ZNF395: variants seen among roughly 807,000 people sequenced by gnomAD.
The protein encoded by ZNF395 is zinc finger protein 395.
Under a neutral mutation model 57.7 loss-of-function variants are expected in ZNF395, and 20 were observed. That is an observed-to-expected ratio of 0.35 (90% CI 0.24 to 0.50). The LOEUF (loss-of-function observed/expected upper bound fraction) is 0.50. Among genes scored for constraint, ZNF395 ranks in the 20% least tolerant of loss-of-function variants. The probability of loss-of-function intolerance (pLI) is 0.97; values close to 1 mark genes in which losing one functional copy is unlikely to be tolerated. For missense variants in ZNF395, 606 were observed against 671.2 expected (o/e 0.90, Z 1.07); for synonymous variants, 295 against 275.9 (o/e 1.07, Z -0.69).
intron 1 of ZNF395, among the ~76,000 whole-genome samples, 194 bp from the exon 2 acceptor site, chr8:28,361,376 T>C (rs2294109): frequency 0.025 from 3,835 of 152,362 alleles, 114 homozygotes; most frequent in East Asian, 0.13. Flanking sequence ...CCACTCTTCC[T>C]ATGCAGCAGG....
intron 1 of ZNF395, among the ~76,000 whole-genome samples, chr8:28,380,339 G>C (rs1802094076): frequency 6.6e-6 from 1 of 152,030 alleles, no homozygotes; most frequent in Non-Finnish European, 1.5e-5. Flanking sequence ...ATTTTTTTCT[G>C]TTTTCTTTTT....
At chr8:28,382,004 C>T (rs1056032142) in intron 1 of ZNF395, among the ~76,000 whole-genome samples, 4 of 152,160 alleles carry the variant, frequency 2.6e-5, no homozygotes, top group African/African-American at 4.8e-5. Context: ...CACTCCTACC[C>T]GGAATCCTCA....
intron 1 of ZNF395, chr8:28,385,093 C>T (rs1802155635): frequency 6.6e-6 from 1 of 152,234 alleles, no homozygotes; most frequent in Non-Finnish European, 1.5e-5. Context: ...GAAGCAAAAC[C>T]CCCAGGTGTA....
At chr8:28,374,366 GA>G (rs535619623) in intron 1 of ZNF395, among the ~76,000 whole-genome samples, 96 of 152,304 alleles carry the variant, frequency 6.3e-4, no homozygotes, top group African/African-American at 2.2e-3. Context: ...CTGGGATTAG[GA>G]ACAGTCATCA....
intron 1 of ZNF395, among the ~76,000 whole-genome samples, chr8:28,367,203 T>G (rs889742815): frequency 2.6e-5 from 4 of 152,100 alleles, no homozygotes; most frequent in African/African-American, 9.7e-5. Context: ...ACCAGTAAAA[T>G]TAAAATGATA....
chr8:28,379,702 A>C (rs972833423), intron 1 of ZNF395, among the ~76,000 whole-genome samples: 1 of 152,128 alleles, frequency 6.6e-6, no homozygotes, highest in Non-Finnish European at 1.5e-5. Context: ...TGACACAGCG[A>C]GCAGGCACTC....
intron 1 of ZNF395, among the ~76,000 whole-genome samples, chr8:28,382,573 C>T (rs905592279): frequency 6.6e-6 from 1 of 152,156 alleles, no homozygotes; most frequent in Non-Finnish European, 1.5e-5. Flanking sequence ...TTTTTCCAAG[C>T]CCCACCAGCA....
Position 28,352,453 on chromosome 8 carries a change from G to T in ZNF395, c.920+120C>A. The T allele has an allele frequency of 1.3e-6, 1 of 760,614 alleles. No individual in the cohort carries two copies. The highest frequency in any genetic ancestry group is 2.2e-6 in the Non-Finnish European group (1 of 456,378). 47.1% of individuals were successfully genotyped at this position (760,614 alleles called of 1,614,324 possible). A position where few individuals can be genotyped will look rare whatever the true frequency, so the allele number is the denominator to read the frequency against. On this transcript the variant is annotated intron_variant, in intron 6 of 9. Coordinates refer to ENST00000344423, the MANE Select transcript of ZNF395 (RefSeq NM_018660.3). The surrounding 1 kb of genome is among the most constrained non-coding windows in gnomAD (Gnocchi z 4.0). ...TCAGGGGGCCAGGAAGAGACACCAG[G>T]GGGTGTTCCCAGCAAGCCACGTTCC...
At chr8:28,383,935 C>G (rs2130003608) in intron 1 of ZNF395, among the ~76,000 whole-genome samples, 1 of 152,352 alleles carries the variant, frequency 6.6e-6, no homozygotes, top group East Asian at 1.9e-4. Flanking sequence ...AAGTTACCAA[C>G]TACAGCAGCT....
rs949257119 is a variant in ZNF395, at chr8:28,352,372, A to G, written c.920+201T>C. Reference sequence around the variant, plus strand: ...AATGAGGCAAGAAGACACATCCCCAAGATGGACAGAGCTCCCTTCCCATCA... The same window carrying G: ...AATGAGGCAAGAAGACACATCCCCAGGATGGACAGAGCTCCCTTCCCATCA... On this transcript the variant is annotated intron_variant, in intron 6 of 9. Coordinates refer to ENST00000344423, the MANE Select transcript of ZNF395 (RefSeq NM_018660.3). The surrounding 1 kb of genome is among the most constrained non-coding windows in gnomAD (Gnocchi z 4.0). Among the ~76,000 whole-genome samples, 4 of 152,190 alleles carry G rather than the reference A, an allele frequency of 2.6e-5. No individual in the cohort carries two copies. Among genetic ancestry groups the G allele is most frequent in the Non-Finnish European group, 4.4e-5 (3 of 68,026 alleles).
chr8:28,347,957 A>G lies in ZNF395; in HGVS notation c.*762T>C, dbSNP rs915301553. 4 of 152,236 alleles carry G rather than the reference A, an allele frequency of 2.6e-5. No individual in the cohort carries two copies. The highest frequency in any genetic ancestry group is 2.0e-4 in the Admixed American group (3 of 15,278). 9.4% of individuals were successfully genotyped at this position (152,236 alleles called of 1,614,324 possible). A position where few individuals can be genotyped will look rare whatever the true frequency, so the allele number is the denominator to read the frequency against. On this transcript the variant is annotated 3_prime_UTR_variant, in exon 10 of 10. Coordinates refer to ENST00000344423, the MANE Select transcript of ZNF395 (RefSeq NM_018660.3). ...GGAAAGAGGAGAGAATGATCAAGGT[A>G]GTGTTTAACTGCCACATTCCAAAAA...
chr8:28,359,738 C>T lies in ZNF395; in HGVS notation c.327G>A (p.Leu109=), dbSNP rs140777249. The change falls in exon 3 of 10, where the codon CTG becomes CTA. Residue 109 remains leucine, a synonymous_variant. Coordinates refer to ENST00000344423, the MANE Select transcript of ZNF395 (RefSeq NM_018660.3). The surrounding 1 kb of genome is among the most constrained non-coding windows in gnomAD (Gnocchi z 4.7). ...TGCAGCAGACCTGCAGCTTCTGCTCCAGCAGCCAGACGGTCACCTGACCCT... is the reference window on the plus strand; with the variant it reads ...TGCAGCAGACCTGCAGCTTCTGCTCTAGCAGCCAGACGGTCACCTGACCCT... ...WMEGQVTVWL[L]EQKLQVCCRV... is the part of the protein sequence containing the mutation. 37 of 1,614,150 alleles carry T rather than the reference C, an allele frequency of 2.3e-5. No homozygotes were observed. Among genetic ancestry groups the T allele is most frequent in the Non-Finnish European group, 3.1e-5 (36 of 1,180,042 alleles).
intron 1 of ZNF395, among the ~76,000 whole-genome samples, chr8:28,385,626 C>A (rs1802167674): frequency 6.7e-6 from 1 of 149,372 alleles, no homozygotes; most frequent in Non-Finnish European, 1.5e-5. Context: ...CCGGCAGAAA[C>A]GCGCGGGGCG....
chr8:28,349,204 TGAA>T lies in ZNF395; in HGVS notation c.1348_1350del (p.Phe450del). 1 of 1,556,104 alleles carries T rather than the reference TGAA, an allele frequency of 6.4e-7. No individual in the cohort carries two copies. The highest frequency in any genetic ancestry group is 8.7e-7 in the Non-Finnish European group (1 of 1,151,668). On this transcript the variant is annotated inframe_deletion, in exon 9 of 10. Coordinates refer to ENST00000344423, the MANE Select transcript of ZNF395 (RefSeq NM_018660.3). The stretch of plus-strand genomic sequence containing the variant: ...GCAGGTGCTGGCTGCTGGGGCTCGC[TGAA>T]GCTTAGCGACCGGCTCCGGACCTGG...
Position 28,351,797 on chromosome 8 carries a change from C to T in ZNF395, c.931G>A (p.Asp311Asn), listed in dbSNP as rs150160656. 1.0e-3 allele frequency: 1,610 copies of T among 1,550,470 alleles called. 2 individuals carry two copies. Among genetic ancestry groups the T allele is most frequent in the Non-Finnish European group, 1.3e-3 (1,512 of 1,150,340 alleles). The change falls in exon 7 of 10, where the codon GAC becomes AAC. Residue 311 changes from aspartate to asparagine, a missense_variant. Asp to Asn is a conservative substitution (Grantham distance 23). This residue lies in a region of ZNF395 where 261 missense variants were observed against 240.3 expected (regional missense o/e 1.09). Transcript: ENST00000344423. The stretch of plus-strand genomic sequence containing the variant: ...TCCTCCCGCTTGAACTGATCAGAGT[C>T]CACTGTGTCCCTGTGTGGGAGGGAG... The part of the protein sequence containing the change: ...VKALHLGDTV[D>N]SDQFKREEDF...
At position 28,360,999 on chromosome 8, in the gene ZNF395, A is replaced by T; in HGVS notation, c.126T>A (p.Ala42=). The T allele has an allele frequency of 6.2e-7, 1 of 1,611,610 alleles. No individual in the cohort carries two copies. Among genetic ancestry groups the T allele is most frequent in the Non-Finnish European group, 8.5e-7 (1 of 1,178,686 alleles). ...PPSEPLLEGA[A]PQPFTTSDDT... is the part of the protein sequence containing the mutation. ...CATCAGAGGTGGTGAAAGGCTGGGG[A>T]GCGGCCCCTTCTAGCAGTGGCTCCG... Residue 42 remains alanine, a synonymous_variant, in exon 2 of 10, where the codon GCT becomes GCA. Coordinates refer to ENST00000344423, the MANE Select transcript of ZNF395 (RefSeq NM_018660.3).
intron 1 of ZNF395, among the ~76,000 whole-genome samples, chr8:28,362,719 C>G (rs999431940): frequency 7.2e-5 from 11 of 152,352 alleles, no homozygotes; most frequent in African/African-American, 2.6e-4. Context: ...ATCCTAGCCT[C>G]TTTCCAAATC....
rs191008821 is a variant in ZNF395 at position 28,360,794 on chromosome 8, C to T, written c.240+91G>A. 2.1e-5 allele frequency: 33 copies of T among 1,535,632 alleles called. No homozygotes were observed. The African/African-American group carries it at 3.2e-4, about 15-fold the overall frequency. The stretch of plus-strand genomic sequence containing the variant: ...AAAGGTCTGCACTCAAAACGGTGCC[C>T]AGAGAGTTTCCGGCCTGTCACTAGG... On this transcript the variant is annotated intron_variant, in intron 2 of 9. Coordinates refer to ENST00000344423, the MANE Select transcript of ZNF395 (RefSeq NM_018660.3).
At chr8:28,360,080 T>C (rs1202266303) in intron 2 of ZNF395, among the ~76,000 whole-genome samples, 4 of 152,236 alleles carry the variant, frequency 2.6e-5, no homozygotes, top group Non-Finnish European at 4.4e-5. Context: ...TTTCTGGGAC[T>C]TTCTCTGAAT....
Sources: gnomAD v4.1 joint callset for allele counts (sites outside exome capture counted in the v4.1 genomes callset) on GRCh38, gnomAD v4.1.1 for gene constraint, gnomAD v4.1.1 regional missense constraint, Gnocchi (gnomAD v3.1) non-coding constraint, MANE v1.5 for transcripts, NCBI Gene and HGNC (gene_info 2026-07-23, HGNC 2026-07-21) for gene names.